CELF1: variants seen among roughly 807,000 people sequenced by gnomAD.
The protein encoded by CELF1 is 50 kDa nuclear polyadenylated RNA-binding protein.
In CELF1, 10 loss-of-function variants were observed where a neutral mutation model predicts 61.8. The ratio of observed to expected loss-of-function variants is 0.16; its 90% CI spans 0.10 to 0.27. The LOEUF (loss-of-function observed/expected upper bound fraction) is 0.27, where lower values mean the gene tolerates loss of function less well. Ranked by LOEUF, CELF1 falls within the 10% of genes least tolerant of loss-of-function variation. The probability of loss-of-function intolerance (pLI) is 1.00; values close to 1 mark genes in which losing one functional copy is unlikely to be tolerated. For synonymous variants in CELF1, 236 were observed against 225.1 expected, an observed-to-expected ratio of 1.05 and a Z score of -0.43; for missense variants, 380 against 639.1, an observed-to-expected ratio of 0.59 and a Z score of 4.37.
intron 9 of CELF1, among the ~76,000 whole-genome samples, chr11:47,481,096 C>CTTTTTT (rs2082869074): frequency 1.7e-5 from 1 of 57,620 alleles, no homozygotes; most frequent in Admixed American, 2.5e-4. Context: ...TTTTTTTTTT[C>CTTTTTT]TTCTTCTTTT....
chr11:47,482,880 G>A, intron 8 of CELF1, 24 bp from the exon 9 acceptor site: 1 of 1,589,940 alleles, frequency 6.3e-7, no homozygotes. Flanking sequence ...ATAACGAAAG[G>A]GTCAAATTCC....
intron 12 of CELF1, 42 bp downstream of exon 12, chr11:47,476,804 G>A: frequency 6.8e-7 from 1 of 1,467,458 alleles, no homozygotes; most frequent in Middle Eastern, 1.8e-4. Context: ...TGTGCTACCT[G>A]CACAAAGAAT....
chr11:47,558,748 A>G lies in CELF1; in HGVS notation c.-11+5603T>C, dbSNP rs548527266. On this transcript the variant is annotated intron_variant, in intron 2 of 3. Coordinates refer to the CELF1 transcript ENST00000525841. ...ATATATTATATATAATTGTATATAT[A>G]ATATATATAATATATATAATTGTAT... 8.4e-4 allele frequency among the ~76,000 whole-genome samples: 96 copies of G among 114,490 alleles called. 1 individual carries two copies. The highest frequency in any genetic ancestry group is 3.1e-3 in the African/African-American group (91 of 28,928). The allele number at this position is 114,490 out of a possible 152,430, so 75.1% of individuals were successfully genotyped here.
intron 12 of CELF1, 32 bp from the exon 13 acceptor site, chr11:47,475,553 T>C (rs760493180): frequency 2.5e-6 from 4 of 1,605,754 alleles, no homozygotes; most frequent in Admixed American, 3.3e-5. Flanking sequence ...ATTAATATAC[T>C]AGAAAGACTA....
chr11:47,473,801 G>A (rs961203038), intron 13 of CELF1, among the ~76,000 whole-genome samples: 2 of 152,062 alleles, frequency 1.3e-5, no homozygotes, highest in Non-Finnish European at 2.9e-5. Context: ...TATGTAAATG[G>A]GAAAATAAGA....
intron 7 of CELF1, among the ~76,000 whole-genome samples, chr11:47,483,983 T>C (rs1291621130): frequency 6.6e-6 from 1 of 152,112 alleles, no homozygotes; most frequent in African/African-American, 2.4e-5. Flanking sequence ...CCTCTTTATC[T>C]TGACTGGGCC....
At chr11:47,522,687 T>TAA in intron 1 of CELF1, among the ~76,000 whole-genome samples, 1 of 151,790 alleles carries the variant, frequency 6.6e-6, no homozygotes, top group East Asian at 1.9e-4. Flanking sequence ...ATTAGCCAGG[T>TAA]GTGGTGGCAT....
intron 1 of CELF1, among the ~76,000 whole-genome samples, chr11:47,541,686 CAA>C (rs1225327931): frequency 6.0e-4 from 7 of 11,640 alleles, no homozygotes; most frequent in African/African-American, 7.8e-4. Context: ...GCGAGACTGT[CAA>C]AGAAAGAAAG....
intron 1 of CELF1, among the ~76,000 whole-genome samples, chr11:47,550,582 C>T (rs1229183901): frequency 6.6e-6 from 1 of 152,044 alleles, no homozygotes. Context: ...GGAAGATAGG[C>T]ATTTCTATAG....
chr11:47,552,995 C>G lies in CELF1; in HGVS notation c.-157G>C, dbSNP rs972842294. On this transcript the variant is annotated 5_prime_UTR_variant, in exon 1 of 15. Transcript: ENST00000687097. Reference sequence around the variant, plus strand: ...ATCCTGCGGCCGCAGCACTCACCAGCGGCTGCACCTGAGCCTGCCGCTGCC... The same window carrying G: ...ATCCTGCGGCCGCAGCACTCACCAGGGGCTGCACCTGAGCCTGCCGCTGCC... 15 of 397,758 alleles carry G rather than the reference C, an allele frequency of 3.8e-5. No individual in the cohort carries two copies. Among genetic ancestry groups the G allele is most frequent in the Non-Finnish European group, 5.8e-5 (13 of 225,806 alleles). 24.6% of individuals were successfully genotyped at this position (397,758 alleles called of 1,614,324 possible).
chr11:47,550,675 T>C (rs1282690396), intron 1 of CELF1, among the ~76,000 whole-genome samples: 1 of 152,158 alleles, frequency 6.6e-6, no homozygotes, highest in Non-Finnish European at 1.5e-5. Flanking sequence ...GTTTCTTCAT[T>C]TTTTGACTTA....
chr11:47,474,773 C>T (rs1048732703), intron 13 of CELF1, among the ~76,000 whole-genome samples: 10 of 152,210 alleles, frequency 6.6e-5, no homozygotes, highest in African/African-American at 2.4e-4. Flanking sequence ...ATGTAAGTCA[C>T]CTTCAGGCCT....
intron 1 of CELF1, among the ~76,000 whole-genome samples, chr11:47,508,088 C>T (rs917437078): frequency 2.0e-5 from 3 of 152,088 alleles, no homozygotes; most frequent in Admixed American, 6.6e-5. Flanking sequence ...ATAACCTGCC[C>T]GTGGCTTCTT....
intron 7 of CELF1, 39 bp downstream of exon 7, chr11:47,484,350 A>C: frequency 1.3e-6 from 2 of 1,586,402 alleles, no homozygotes; most frequent in Non-Finnish European, 1.7e-6. Flanking sequence ...AAACCAAAAC[A>C]AAAAACCAAA....
At chr11:47,472,710 G>A (rs547889824) in intron 14 of CELF1, among the ~76,000 whole-genome samples, 4 of 152,104 alleles carry the variant, frequency 2.6e-5, no homozygotes, top group Admixed American at 6.5e-5. Flanking sequence ...ACGCCACCAC[G>A]TCTGACTAAT....
intron 3 of CELF1, among the ~76,000 whole-genome samples, chr11:47,489,292 T>TG (rs2089659778): frequency 6.6e-6 from 1 of 152,056 alleles, no homozygotes; most frequent in Non-Finnish European, 1.5e-5. Flanking sequence ...TTATCTAGCA[T>TG]GAGAATTACC....
At chr11:47,512,532 G>A (rs919517610) in intron 1 of CELF1, among the ~76,000 whole-genome samples, 3 of 148,938 alleles carry the variant, frequency 2.0e-5, no homozygotes, top group African/African-American at 7.5e-5. Context: ...TAGAGACAGA[G>A]TCTGGCCATG....
chr11:47,545,371 C>T (rs2096906339), intron 1 of CELF1, among the ~76,000 whole-genome samples: 1 of 152,114 alleles, frequency 6.6e-6, no homozygotes. Context: ...GCAGAGGTTG[C>T]AGTGAGCCGA....
At chr11:47,482,329 T>C in intron 9 of CELF1, 1 of 163,826 alleles carries the variant, frequency 6.1e-6, no homozygotes. Context: ...ATTTTAATGA[T>C]GCCCTCTACA....
Sources: gnomAD v4.1 joint callset for allele counts (sites outside exome capture counted in the v4.1 genomes callset) on GRCh38, gnomAD v4.1.1 for gene constraint, MANE v1.5 for transcripts, NCBI Gene and HGNC (gene_info 2026-07-23, HGNC 2026-07-21) for gene names.